Variants in DGKB observed in about 807,000 individuals in gnomAD.
DGKB encodes diacylglycerol kinase beta.
Under a neutral mutation model 114.3 loss-of-function variants are expected in DGKB, and 67 were observed. The observed-to-expected ratio is 0.59, with a 90% CI of 0.48 to 0.72. The LOEUF is 0.72. Ranked by LOEUF, DGKB falls within the 30% of genes least tolerant of loss-of-function variation. The pLI is 0.00. For missense variants in DGKB, 907 were observed against 975.2 expected, an observed-to-expected ratio of 0.93 and a Z score of 0.93; for synonymous variants, 398 against 323.1, an observed-to-expected ratio of 1.23 and a Z score of -2.49.
intron 21 of DGKB, among the ~76,000 whole-genome samples, chr7:14,402,314 C>G (rs192982489): frequency 2.6e-5 from 4 of 151,892 alleles, no homozygotes; most frequent in African/African-American, 9.6e-5. Context: ...CAGAATAATT[C>G]TAATTTAATG....
At chr7:14,936,222 G>T (rs183609243) in intron 1 of DGKB, among the ~76,000 whole-genome samples, 1 of 152,254 alleles carries the variant, frequency 6.6e-6, no homozygotes, top group East Asian at 1.9e-4. Context: ...AAGTGATGAA[G>T]AACTTGTCTT....
intron 21 of DGKB, among the ~76,000 whole-genome samples, chr7:14,475,588 G>A (rs756572211): frequency 7.9e-5 from 12 of 152,150 alleles, no homozygotes; most frequent in Non-Finnish European, 1.5e-4. Context: ...TCTTGAACTC[G>A]CAATAGAAAC....
intron 2 of DGKB, among the ~76,000 whole-genome samples, chr7:14,823,910 T>TA (rs375925372): frequency 2.6e-5 from 4 of 152,286 alleles, no homozygotes; most frequent in South Asian, 2.1e-4. Flanking sequence ...ACGGTGCTAA[T>TA]AAAAACATAC....
chr7:14,940,526 TC>T (rs1326153549), intron 1 of DGKB, among the ~76,000 whole-genome samples: 1 of 152,124 alleles, frequency 6.6e-6, no homozygotes, highest in Non-Finnish European at 1.5e-5. Context: ...GCAAAAATTT[TC>T]CTTTAATAAC....
At chr7:14,600,742 C>T (rs770640913) in intron 17 of DGKB, among the ~76,000 whole-genome samples, 1 of 152,154 alleles carries the variant, frequency 6.6e-6, no homozygotes, top group African/African-American at 2.4e-5. Flanking sequence ...CTGGGAATAA[C>T]AAAAACCAAA....
In DGKB at chr7:14,145,974, A is replaced by T. The variant is rs917159686; in HGVS notation, c.*3157T>A. The T allele has an allele frequency of 1.3e-5, 2 of 152,254 alleles. No individual in the cohort carries two copies. Among genetic ancestry groups the T allele is most frequent in the Non-Finnish European group, 2.9e-5 (2 of 68,050 alleles). The allele number at this position is 152,254 out of a possible 1,614,324, so 9.4% of individuals were successfully genotyped here. On this transcript the variant is annotated 3_prime_UTR_variant, in exon 26 of 26. Transcript: ENST00000402815. ...AAATGTGGAAACACGTATGTGATTC[A>T]TTAGCCCTCACTGGATTTAAATTTC... is the stretch of plus-strand genomic sequence containing the variant.
intron 4 of DGKB, among the ~76,000 whole-genome samples, chr7:14,753,169 T>A (rs1834360036): frequency 6.6e-6 from 1 of 152,084 alleles, no homozygotes; most frequent in African/African-American, 2.4e-5. Flanking sequence ...ATCAAACAAT[T>A]TAAGAATAAG....
At chr7:14,508,974 T>C (rs1787553768) in intron 20 of DGKB, among the ~76,000 whole-genome samples, 1 of 152,188 alleles carries the variant, frequency 6.6e-6, no homozygotes, top group African/African-American at 2.4e-5. Flanking sequence ...AATTTTAATC[T>C]AGCATGAAGA....
rs530685136 is a variant in DGKB at position 14,198,521 on chromosome 7, A to G, written c.2123-20370T>C. 1.3e-3 allele frequency among the ~76,000 whole-genome samples: 202 copies of G among 152,108 alleles called. 4 individuals are homozygous for G. Among genetic ancestry groups the G allele is most frequent in the Middle Eastern group, 6.8e-3 (2 of 294 alleles). On this transcript the variant is annotated intron_variant, in intron 23 of 25. Coordinates refer to ENST00000402815, the MANE Select transcript of DGKB (RefSeq NM_001350709.2). ...AGGTCTGGGAGATACCTGCACACATAATGGGCTGCATTATAGAAGAGAAAC... is the reference window on the plus strand; with the variant it reads ...AGGTCTGGGAGATACCTGCACACATGATGGGCTGCATTATAGAAGAGAAAC...
At chr7:14,286,308 T>G (rs1402644890) in intron 23 of DGKB, among the ~76,000 whole-genome samples, 1 of 152,062 alleles carries the variant, frequency 6.6e-6, no homozygotes, top group African/African-American at 2.4e-5. Flanking sequence ...AAGGGCAGAG[T>G]ATTTATAACT....
chr7:14,822,387 A>G (rs562478447), intron 2 of DGKB, among the ~76,000 whole-genome samples: 225 of 152,246 alleles, frequency 1.5e-3, no homozygotes, highest in Non-Finnish European at 2.9e-3. Context: ...AAAAAGGAGA[A>G]TGAAAAGGAT....
chr7:14,323,285 G>A (rs1317697914), intron 23 of DGKB, among the ~76,000 whole-genome samples: 2 of 152,170 alleles, frequency 1.3e-5, no homozygotes, highest in African/African-American at 2.4e-5. Context: ...AGTAGGGCAA[G>A]TGAACTAGGG....
intron 1 of DGKB, among the ~76,000 whole-genome samples, chr7:14,854,630 A>AG (rs1414587568): frequency 6.6e-6 from 1 of 152,206 alleles, no homozygotes; most frequent in Non-Finnish European, 1.5e-5. Context: ...GGCGGAGCTC[A>AG]GGTGGTAACA....
At chr7:14,840,787 A>G (rs1847832638) in intron 2 of DGKB, among the ~76,000 whole-genome samples, 1 of 150,684 alleles carries the variant, frequency 6.6e-6, no homozygotes, top group South Asian at 2.1e-4. Flanking sequence ...GAGTCAGACC[A>G]TACTGTCTCA....
chr7:14,567,044 A>G (rs1356080916), intron 20 of DGKB, among the ~76,000 whole-genome samples: 1 of 135,328 alleles, frequency 7.4e-6, no homozygotes, highest in Non-Finnish European at 1.5e-5. Flanking sequence ...TTAAACTCCA[A>G]GTTCTAATAA....
chr7:14,704,105 A>G (rs1483813593), intron 6 of DGKB, among the ~76,000 whole-genome samples: 1 of 151,834 alleles, frequency 6.6e-6, no homozygotes, highest in African/African-American at 2.4e-5. Flanking sequence ...TGACTTCTAC[A>G]TCTTTTCTTT....
chr7:14,799,395 C>T (rs556753960), intron 2 of DGKB, among the ~76,000 whole-genome samples: 13 of 152,298 alleles, frequency 8.5e-5, no homozygotes, highest in African/African-American at 3.1e-4. Flanking sequence ...CATTCCATTA[C>T]ATTGATGACA....
At chr7:14,154,205 A>G (rs1782639019) in intron 25 of DGKB, among the ~76,000 whole-genome samples, 1 of 146,504 alleles carries the variant, frequency 6.8e-6, no homozygotes, top group African/African-American at 2.5e-5. Flanking sequence ...TTTAAGAAAA[A>G]TGAGATCTAT....
chr7:14,161,923 G>T (rs755153561), intron 25 of DGKB, among the ~76,000 whole-genome samples: 3 of 152,034 alleles, frequency 2.0e-5, no homozygotes, highest in African/African-American at 7.2e-5. Context: ...TGATATTCTA[G>T]TCAGTTCATT....
Sources: allele counts gnomAD v4.1 joint callset (sites outside exome capture counted in the v4.1 genomes callset), GRCh38; gene constraint gnomAD v4.1.1; transcripts MANE v1.5; gene names NCBI Gene and HGNC (gene_info 2026-07-23, HGNC 2026-07-21).